Variants in RAB33A observed in about 807,000 individuals in gnomAD.
RAB33A encodes RAB33A, member RAS oncogene family, also known as ras-related protein Rab-33A.
RAB33A carries 6 observed loss-of-function variants against 12.0 expected under a neutral mutation model. The ratio of observed to expected loss-of-function variants is 0.50; its 90% CI spans 0.27 to 0.99. The LOEUF is 0.99. RAB33A is among the 50% of genes least tolerant of loss of function. The probability of loss-of-function intolerance (pLI) is 0.11; values close to 1 mark genes in which losing one functional copy is unlikely to be tolerated. For synonymous variants in RAB33A, 70 were observed against 82.4 expected (o/e 0.85, Z 0.81); for missense variants, 109 against 192.0 (o/e 0.57, Z 2.55).
the RAB33A span, among the ~76,000 whole-genome samples, chrX:130,118,663 C>T: frequency 8.9e-6 from 1 of 112,029 alleles, no homozygotes; most frequent in Non-Finnish European, 1.9e-5. Flanking sequence ...TTGAGGAAGC[C>T]ATCCAACTCG....
upstream of RAB33A, among the ~76,000 whole-genome samples, chrX:130,170,902 A>G (rs1265354141): frequency 8.9e-6 from 1 of 112,593 alleles, no homozygotes; most frequent in African/African-American, 3.2e-5. Context: ...CCCCGTAAAC[A>G]AAGTCCCCTT....
chrX:130,156,563 C>G, the RAB33A span: 1 of 1,211,673 alleles, frequency 8.3e-7, no homozygotes, highest in Middle Eastern at 2.3e-4. Flanking sequence ...GTCTTGTCAT[C>G]TGGAGTTCTA....
the RAB33A span, among the ~76,000 whole-genome samples, chrX:130,122,112 C>T: frequency 8.9e-6 from 1 of 111,928 alleles, no homozygotes; most frequent in East Asian, 2.8e-4. Context: ...ACTTGGAGGC[C>T]CAGGAGTCCG....
At chrX:130,138,455 A>C in the RAB33A span, 1 of 495,570 alleles carries the variant, frequency 2.0e-6, no homozygotes, top group Non-Finnish European at 3.5e-6. Flanking sequence ...ACAGAGCGAG[A>C]CTCCATCTCA....
At chrX:130,182,137 T>TAAAAA (rs1362296138) in intron 1 of RAB33A, among the ~76,000 whole-genome samples, 1 of 13,577 alleles carries the variant, frequency 7.4e-5, no homozygotes, top group African/African-American at 1.3e-3. Context: ...ATTCTGTCTC[T>TAAAAA]ACAAAAAAAA....
In RAB33A at chrX:130,184,503, C is replaced by T. The variant is rs768780063; in HGVS notation, c.477C>T (p.Ile159=). ...VGNKCDLREQ[I]QVPSNLALKF... is the part of the protein sequence containing the mutation. ...ACAAGTGTGACTTGAGGGAACAGAT[C>T]CAGGTGCCCTCCAACTTAGCCCTGA... Residue 159 remains isoleucine, a synonymous_variant, in exon 2 of 2, where the codon ATC becomes ATT. Transcript: ENST00000257017. 3 of 1,210,170 alleles carry T rather than the reference C, an allele frequency of 2.5e-6. No individual in the cohort carries two copies. Among genetic ancestry groups the T allele is most frequent in the Non-Finnish European group, 3.4e-6 (3 of 894,981 alleles).
chrX:130,115,537 C>T, the RAB33A span, among the ~76,000 whole-genome samples: 2 of 110,494 alleles, frequency 1.8e-5, no homozygotes, highest in Non-Finnish European at 1.9e-5. Context: ...CACTTGAACC[C>T]GGGAGGCAGA....
At chrX:130,139,975 T>A in the RAB33A span, 1 of 697,475 alleles carries the variant, frequency 1.4e-6, no homozygotes, top group Non-Finnish European at 2.3e-6. Context: ...CTTAGCACCA[T>A]GGCGGCAACA....
the RAB33A span, chrX:130,129,250 G>A: frequency 6.0e-6 from 2 of 332,171 alleles, no homozygotes; most frequent in African/African-American, 5.3e-5. Context: ...AGTAGGGCAT[G>A]AATACATGGC....
chrX:130,135,392 A>G, the RAB33A span, among the ~76,000 whole-genome samples: 1 of 98,535 alleles, frequency 1.0e-5, no homozygotes, highest in African/African-American at 3.9e-5. Flanking sequence ...TGGCCCACGT[A>G]TTACTTTTAT....
the RAB33A span, chrX:130,155,110 G>A: frequency 8.3e-7 from 1 of 1,202,708 alleles, no homozygotes. Context: ...AGTGCCATGG[G>A]CTCACCCACC....
chrX:130,142,408 T>C, the RAB33A span, among the ~76,000 whole-genome samples: 2 of 111,479 alleles, frequency 1.8e-5, no homozygotes, highest in Middle Eastern at 4.6e-3. Context: ...TCTTATGTTC[T>C]ATTGTATTGC....
intron 1 of RAB33A, among the ~76,000 whole-genome samples, chrX:130,180,893 A>G (rs1047811598): frequency 1.2e-4 from 12 of 102,008 alleles, no homozygotes; most frequent in Non-Finnish European, 2.2e-4. Flanking sequence ...CTGTTATCCC[A>G]GCTACTTGGG....
At chrX:130,180,086 G>A (rs1321150558) in intron 1 of RAB33A, among the ~76,000 whole-genome samples, 1 of 110,383 alleles carries the variant, frequency 9.1e-6, no homozygotes, top group Non-Finnish European at 1.9e-5. Context: ...TGATTCTATA[G>A]GGGAGGAGTG....
the RAB33A span, chrX:130,129,239 G>C: frequency 3.2e-6 from 1 of 316,380 alleles, no homozygotes; most frequent in South Asian, 3.6e-5. Context: ...TTTGCGTCTG[G>C]AGTAGGGCAT....
chrX:130,119,521 G>T, the RAB33A span, among the ~76,000 whole-genome samples: 8 of 111,377 alleles, frequency 7.2e-5, no homozygotes, highest in East Asian at 2.0e-3. Context: ...GAAAGAGGGG[G>T]CAGGGGGACG....
chrX:130,128,432 C>T, the RAB33A span, among the ~76,000 whole-genome samples: 8 of 110,938 alleles, frequency 7.2e-5, no homozygotes, highest in Non-Finnish European at 1.5e-4. Context: ...ATTAGCCAGG[C>T]GTGGTGGCGC....
the RAB33A span, among the ~76,000 whole-genome samples, chrX:130,163,086 G>A: frequency 9.0e-6 from 1 of 110,903 alleles, no homozygotes; most frequent in Non-Finnish European, 1.9e-5. Flanking sequence ...TGAAGCAGGT[G>A]GATCACAAGG....
the RAB33A span, among the ~76,000 whole-genome samples, chrX:130,153,051 G>C: frequency 9.1e-6 from 1 of 109,955 alleles, no homozygotes; most frequent in Non-Finnish European, 1.9e-5. Flanking sequence ...CGACAGTTTA[G>C]GCTGGGCACG....
Sources: allele counts gnomAD v4.1 joint callset (sites outside exome capture counted in the v4.1 genomes callset), GRCh38; gene constraint gnomAD v4.1.1; transcripts MANE v1.5; gene names NCBI Gene and HGNC (gene_info 2026-07-23, HGNC 2026-07-21).